Variants in GSG1L observed in about 807,000 individuals in gnomAD.
GSG1L encodes the protein germ cell-specific gene 1-like protein.
A neutral mutation model predicts 42.1 loss-of-function variants in GSG1L; 24 were observed. The observed-to-expected ratio is 0.57, with a 90% CI of 0.41 to 0.80. The LOEUF (loss-of-function observed/expected upper bound fraction) is 0.80. Among genes scored for constraint, GSG1L ranks in the 30% least tolerant of loss-of-function variants. The probability of loss-of-function intolerance (pLI) is 0.00; values close to 1 mark genes in which losing one functional copy is unlikely to be tolerated. For missense variants in GSG1L, 445 were observed against 472.2 expected, an observed-to-expected ratio of 0.94 and a Z score of 0.53; for synonymous variants, 215 against 203.5, an observed-to-expected ratio of 1.06 and a Z score of -0.48.
intron 2 of GSG1L, among the ~76,000 whole-genome samples, chr16:27,934,253 C>A (rs561469920): frequency 6.6e-6 from 1 of 152,146 alleles, no homozygotes; most frequent in Non-Finnish European, 1.5e-5. Context: ...GCTTTAAAAG[C>A]GAGCTATGGG....
At chr16:27,834,322 A>G (rs1054568531) in intron 4 of GSG1L, among the ~76,000 whole-genome samples, 11 of 152,166 alleles carry the variant, frequency 7.2e-5, no homozygotes, top group African/African-American at 2.4e-4. Flanking sequence ...TTATTTTTAT[A>G]TATTGCTGAC....
chr16:27,907,811 G>A (rs2084336638), intron 2 of GSG1L, among the ~76,000 whole-genome samples: 2 of 152,312 alleles, frequency 1.3e-5, no homozygotes, highest in South Asian at 4.1e-4. Context: ...CCCCTCTGCT[G>A]TTGCCCCAGT....
chr16:27,928,649 G>A (rs2084623567), intron 2 of GSG1L, among the ~76,000 whole-genome samples: 1 of 152,206 alleles, frequency 6.6e-6, no homozygotes. Flanking sequence ...TTTGGTGGGT[G>A]GTGACATTCG....
chr16:27,955,928 A>AAGGAAGGAAG (rs1567533947), intron 2 of GSG1L, among the ~76,000 whole-genome samples: 13 of 56,756 alleles, frequency 2.3e-4, no homozygotes, highest in Non-Finnish European at 3.8e-4. Flanking sequence ...AAGGAAGGAA[A>AAGGAAGGAAG]GAAGGAAGGA....
At chr16:27,929,531 C>T (rs1041188354) in intron 2 of GSG1L, among the ~76,000 whole-genome samples, 5 of 151,968 alleles carry the variant, frequency 3.3e-5, no homozygotes, top group Non-Finnish European at 7.4e-5. Context: ...AATCTGCCTG[C>T]GAATAAAGCC....
At chr16:27,935,628 C>T (rs920490044) in intron 2 of GSG1L, among the ~76,000 whole-genome samples, 1 of 151,850 alleles carries the variant, frequency 6.6e-6, no homozygotes, top group African/African-American at 2.4e-5. Flanking sequence ...GAGTTCAAAT[C>T]AGATCGTGCC....
chr16:27,981,767 G>A (rs960486579), intron 1 of GSG1L, among the ~76,000 whole-genome samples: 3 of 152,148 alleles, frequency 2.0e-5, no homozygotes, highest in African/African-American at 7.2e-5. Context: ...GGGCATTTGG[G>A]GCATTTTGTA....
intron 1 of GSG1L, among the ~76,000 whole-genome samples, chr16:28,026,354 C>G (rs1286792100): frequency 6.6e-6 from 1 of 152,220 alleles, no homozygotes; most frequent in Non-Finnish European, 1.5e-5. Flanking sequence ...CCTGAGTTTG[C>G]TCTTCACTGG....
chr16:27,923,593 T>G (rs940901177), intron 2 of GSG1L, among the ~76,000 whole-genome samples: 19 of 151,852 alleles, frequency 1.3e-4, no homozygotes, highest in African/African-American at 4.1e-4. Flanking sequence ...AATACAAAAA[T>G]TAGCCAGGCA....
rs2084076092 is a variant in GSG1L at position 27,888,508 on chromosome 16, T to TTTCC, written c.398-3871_398-3870insGGAA. On this transcript the variant is annotated intron_variant, in intron 2 of 6. Transcript: ENST00000447459. Reference sequence around the variant, plus strand: ...CTTTCTTTCTTTCTTTCTTTCTTTCTTTCTTTCTTTCTTTCTTTCTTTCTT... The same window carrying TTTCC: ...CTTTCTTTCTTTCTTTCTTTCTTTCTTTCCTTCTTTCTTTCTTTCTTTCTTTCTT... Among the ~76,000 whole-genome samples, 17 of 12,956 alleles carry TTTCC rather than the reference T, an allele frequency of 1.3e-3. 4 individuals are homozygous for TTTCC. Among genetic ancestry groups the TTTCC allele is most frequent in the Non-Finnish European group, 1.9e-3 (11 of 5,654 alleles). The allele number at this position is 12,956 out of a possible 152,430, so 8.5% of individuals were successfully genotyped here. A position where few individuals can be genotyped will look rare whatever the true frequency, so the allele number is the denominator to read the frequency against.
chr16:28,051,802 TA>T (rs780416851), intron 1 of GSG1L, among the ~76,000 whole-genome samples: 20 of 152,246 alleles, frequency 1.3e-4, no homozygotes, highest in Non-Finnish European at 2.8e-4. Context: ...GCAGGTCTTG[TA>T]GCTACCAGGA....
intron 1 of GSG1L, among the ~76,000 whole-genome samples, chr16:27,988,851 A>C (rs1461332315): frequency 6.6e-6 from 1 of 151,622 alleles, no homozygotes. Flanking sequence ...TCAGGAGATC[A>C]AGACCATCCT....
chr16:27,989,535 T>C (rs1219204860), intron 1 of GSG1L, among the ~76,000 whole-genome samples: 1 of 152,004 alleles, frequency 6.6e-6, no homozygotes, highest in Non-Finnish European at 1.5e-5. Context: ...AGGTCAGGAG[T>C]TCGAGACCAG....
chr16:27,802,228 C>G (rs149837235), intron 6 of GSG1L, among the ~76,000 whole-genome samples: 1 of 152,128 alleles, frequency 6.6e-6, no homozygotes, highest in African/African-American at 2.4e-5. Context: ...GTGCCTTATT[C>G]GTCTCCATGC....
At position 27,946,604 on chromosome 16, in the gene GSG1L, AG is replaced by A. The variant is rs1567529825; in HGVS notation, c.397+16551del. On this transcript the variant is annotated intron_variant, in intron 2 of 6. Transcript: ENST00000447459. ...AAGAGAGAGAGAGAGAGAGAGAGAGAGAGAGAGAGAGAGAGAGAGAGAGAGA... is the reference window on the plus strand; with the variant it reads ...AAGAGAGAGAGAGAGAGAGAGAGAGAAGAGAGAGAGAGAGAGAGAGAGAGA... Among the ~76,000 whole-genome samples, 51 of 6,488 alleles carry A rather than the reference AG, an allele frequency of 7.9e-3. 1 individual carries two copies. Among genetic ancestry groups the A allele is most frequent in the African/African-American group, 0.022 (48 of 2,158 alleles). The allele number at this position is 6,488 out of a possible 152,430, so 4.3% of individuals were successfully genotyped here.
chr16:27,975,424 T>C (rs1033283366), intron 1 of GSG1L, among the ~76,000 whole-genome samples: 16 of 152,144 alleles, frequency 1.1e-4, no homozygotes, highest in Admixed American at 6.5e-5. Flanking sequence ...TCATGCTTAT[T>C]CCTGCACCTG....
At chr16:28,057,378 A>G (rs775986009) in intron 1 of GSG1L, among the ~76,000 whole-genome samples, 1 of 152,254 alleles carries the variant, frequency 6.6e-6, no homozygotes, top group East Asian at 1.9e-4. Flanking sequence ...TGGAGGCCTG[A>G]GCTCCTAGAA....
intron 3 of GSG1L, among the ~76,000 whole-genome samples, chr16:27,869,534 C>G (rs973424193): frequency 3.0e-5 from 4 of 135,136 alleles, no homozygotes; most frequent in Non-Finnish European, 6.2e-5. Context: ...TCTCTCTCCT[C>G]TCTCTCTGTC....
At chr16:28,009,638 A>G (rs1435492682) in intron 1 of GSG1L, among the ~76,000 whole-genome samples, 4 of 152,224 alleles carry the variant, frequency 2.6e-5, no homozygotes, top group Non-Finnish European at 5.9e-5. Flanking sequence ...AAGGCTCACC[A>G]TGGAAGCAAA....
Sources: allele counts gnomAD v4.1 joint callset (sites outside exome capture counted in the v4.1 genomes callset), GRCh38; gene constraint gnomAD v4.1.1; transcripts MANE v1.5; gene names NCBI Gene and HGNC (gene_info 2026-07-23, HGNC 2026-07-21).